Variants in HDAC9 observed in about 807,000 individuals in gnomAD.
The protein encoded by HDAC9 is MEF-2 interacting transcription repressor (MITR) protein.
Under a neutral mutation model 139.4 loss-of-function variants are expected in HDAC9, and 41 were observed. The observed-to-expected ratio is 0.29, with a 90% CI of 0.23 to 0.38. HDAC9 has a LOEUF of 0.38. Ranked by LOEUF, HDAC9 falls within the 10% of genes least tolerant of loss-of-function variation. HDAC9 has a pLI of 1.00. For missense variants in HDAC9, 1,147 were observed against 1,297.0 expected (o/e 0.88, Z 1.78); for synonymous variants, 517 against 476.2 (o/e 1.09, Z -1.12).
intron 1 of HDAC9, among the ~76,000 whole-genome samples, chr7:18,471,239 T>C (rs1198178839): frequency 6.6e-6 from 1 of 152,168 alleles, no homozygotes; most frequent in African/African-American, 2.4e-5. Context: ...ATTTGTGTAA[T>C]GAATGAATAC....
chr7:18,582,157 A>G (rs1314583306), intron 2 of HDAC9, among the ~76,000 whole-genome samples: 1 of 152,182 alleles, frequency 6.6e-6, no homozygotes, highest in Admixed American at 6.5e-5. Flanking sequence ...ACTCACTGAA[A>G]ATAACTCTTA....
chr7:18,601,455 CTT>C (rs536816159), intron 6 of HDAC9, among the ~76,000 whole-genome samples: 1 of 148,502 alleles, frequency 6.7e-6, no homozygotes, highest in Non-Finnish European at 1.5e-5. Context: ...ATCTGTATGC[CTT>C]TTTTTTTTCT....
At chr7:18,486,952 A>T (rs1796019036) in intron 1 of HDAC9, among the ~76,000 whole-genome samples, 1 of 152,082 alleles carries the variant, frequency 6.6e-6, no homozygotes, top group Non-Finnish European at 1.5e-5. Flanking sequence ...TATTCAACCA[A>T]CATGTGGCTT....
At chr7:18,168,564 GTGTGTC>G (rs530546254) in intron 2 of HDAC9, among the ~76,000 whole-genome samples, 282 of 152,174 alleles carry the variant, frequency 1.9e-3, no homozygotes, top group Non-Finnish European at 3.3e-3. Context: ...AACTCTGTGT[GTGTGTC>G]TGTGTGTGTG....
chr7:18,944,063 C>A (rs1239771198), intron 23 of HDAC9, among the ~76,000 whole-genome samples: 1 of 152,094 alleles, frequency 6.6e-6, no homozygotes, highest in Non-Finnish European at 1.5e-5. Context: ...AAAATTATAA[C>A]CAGATTTACT....
At chr7:18,340,196 T>C (rs905332525) in intron 1 of HDAC9, among the ~76,000 whole-genome samples, 11 of 151,568 alleles carry the variant, frequency 7.3e-5, no homozygotes, top group African/African-American at 2.7e-4. Flanking sequence ...TCTTAAACTT[T>C]CTTTTGATTA....
intron 1 of HDAC9, among the ~76,000 whole-genome samples, chr7:18,466,256 G>C (rs1794268701): frequency 6.6e-6 from 1 of 152,114 alleles, no homozygotes; most frequent in African/African-American, 2.4e-5. Flanking sequence ...GAGTGCAGTG[G>C]CGTGATTTCA....
At chr7:18,900,486 A>G (rs1034634816) in intron 22 of HDAC9, among the ~76,000 whole-genome samples, 4 of 152,102 alleles carry the variant, frequency 2.6e-5, no homozygotes, top group Non-Finnish European at 5.9e-5. Context: ...TAGTCCTGCT[A>G]TATTAAGGGT....
chr7:18,496,535 T>C, intron 2 of HDAC9: 1 of 534,082 alleles, frequency 1.9e-6, no homozygotes, highest in Non-Finnish European at 3.3e-6. Context: ...AGCTTCTGAA[T>C]GAAATTGCAA....
At chr7:18,716,546 A>G (rs199813121) in intron 12 of HDAC9, among the ~76,000 whole-genome samples, 1 of 53,878 alleles carries the variant, frequency 1.9e-5, no homozygotes, top group South Asian at 6.3e-4. Flanking sequence ...ACTAGTTTTC[A>G]TATATATATA....
chr7:18,930,466 A>AAC (rs147873074), intron 22 of HDAC9, among the ~76,000 whole-genome samples: 27 of 151,094 alleles, frequency 1.8e-4, no homozygotes, highest in Non-Finnish European at 2.7e-4. Flanking sequence ...CATACACACA[A>AAC]ACACACACAC....
intron 2 of HDAC9, among the ~76,000 whole-genome samples, chr7:18,529,950 A>T (rs1173781380): frequency 6.6e-6 from 1 of 152,094 alleles, no homozygotes. Flanking sequence ...TTATTTTTTT[A>T]AAATACACAT....
At chr7:18,885,240 C>T (rs1163679649) in intron 22 of HDAC9, among the ~76,000 whole-genome samples, 6 of 152,166 alleles carry the variant, frequency 3.9e-5, no homozygotes, top group South Asian at 2.1e-4. Flanking sequence ...GGAATGCCAC[C>T]CAACCTCTTG....
intron 1 of HDAC9, among the ~76,000 whole-genome samples, chr7:18,335,493 G>C (rs776734994): frequency 6.6e-6 from 1 of 151,512 alleles, no homozygotes; most frequent in Non-Finnish European, 1.5e-5. Context: ...CTTAGTGCAA[G>C]TCTGGGAAGG....
chr7:18,705,808 G>C (rs778815693), intron 12 of HDAC9, among the ~76,000 whole-genome samples: 2 of 142,182 alleles, frequency 1.4e-5, no homozygotes, highest in Non-Finnish European at 3.0e-5. Flanking sequence ...AGCCGAGATG[G>C]CACCATTGCA....
intron 1 of HDAC9, among the ~76,000 whole-genome samples, chr7:18,306,706 G>GATTA (rs1798936963): frequency 6.6e-6 from 1 of 152,102 alleles, no homozygotes; most frequent in Non-Finnish European, 1.5e-5. Context: ...ATGCTGGCAG[G>GATTA]ATTAAGTCTT....
At chr7:18,225,300 A>T (rs1336276079) in intron 2 of HDAC9, among the ~76,000 whole-genome samples, 1 of 152,112 alleles carries the variant, frequency 6.6e-6, no homozygotes, top group Non-Finnish European at 1.5e-5. Context: ...CACTTGCACT[A>T]CCTCTTTTTA....
In HDAC9 at chr7:18,170,464, T is replaced by A. The variant is rs1788342238; in HGVS notation, c.25+8115T>A. Among the ~76,000 whole-genome samples, 3 of 152,330 alleles carry A rather than the reference T, an allele frequency of 2.0e-5. No individual in the cohort carries two copies. In the South Asian group the frequency reaches 6.2e-4, roughly 32 times the overall value. ...TCAGTTTAATGAGATCCCATTTGTCTATTTTGGCTTTTGTTGTTGTTGCTT... is the reference window on the plus strand; with the variant it reads ...TCAGTTTAATGAGATCCCATTTGTCAATTTTGGCTTTTGTTGTTGTTGCTT... On this transcript the variant is annotated intron_variant, in intron 2 of 12. Coordinates refer to the HDAC9 transcript ENST00000417496.
At chr7:18,850,723 G>A (rs888804181) in intron 21 of HDAC9, among the ~76,000 whole-genome samples, 2 of 152,124 alleles carry the variant, frequency 1.3e-5, no homozygotes, top group African/African-American at 2.4e-5. Context: ...ACATATCATG[G>A]ACTGGATGGC....
Sources: gnomAD v4.1 joint callset for allele counts (sites outside exome capture counted in the v4.1 genomes callset) on GRCh38, gnomAD v4.1.1 for gene constraint, MANE v1.5 for transcripts, NCBI Gene and HGNC (gene_info 2026-07-23, HGNC 2026-07-21) for gene names.